C12orf54: variants seen among roughly 807,000 people sequenced by gnomAD.
C12orf54 encodes the protein chromosome 12 open reading frame 54.
A neutral mutation model predicts 26.4 loss-of-function variants in C12orf54; 24 were observed. The observed-to-expected ratio is 0.91, with a 90% CI of 0.66 to 1.28. The LOEUF (loss-of-function observed/expected upper bound fraction) is 1.28, where lower values mean the gene tolerates loss of function less well. Ranked by LOEUF, C12orf54 falls within the 50% of genes most tolerant of loss-of-function variation. C12orf54 has a pLI of 0.00. For synonymous variants in C12orf54, 54 were observed against 47.0 expected (o/e 1.15, Z -0.61); for missense variants, 154 against 150.9 (o/e 1.02, Z -0.11).
the C12orf54 span, among the ~76,000 whole-genome samples, chr12:48,465,887 G>A: frequency 6.6e-6 from 1 of 151,990 alleles, no homozygotes. Context: ...ATCAACAAGG[G>A]AGAACTTCTA....
chr12:48,421,806 A>G, the C12orf54 span, among the ~76,000 whole-genome samples: 1 of 152,170 alleles, frequency 6.6e-6, no homozygotes, highest in African/African-American at 2.4e-5. Context: ...CTGGGATTAC[A>G]GGCGTGAGCC....
At chr12:48,458,697 C>T in the C12orf54 span, among the ~76,000 whole-genome samples, 1 of 151,554 alleles carries the variant, frequency 6.6e-6, no homozygotes, top group African/African-American at 2.4e-5. Context: ...TTGTTTTATG[C>T]CTGACACCTG....
chr12:48,478,489 C>G (rs1954166873), upstream of C12orf54, among the ~76,000 whole-genome samples: 1 of 152,122 alleles, frequency 6.6e-6, no homozygotes, highest in African/African-American at 2.4e-5. Flanking sequence ...GTTTGTATAT[C>G]TAGAAAACCC....
chr12:48,441,942 T>C, the C12orf54 span: 1 of 152,236 alleles, frequency 6.6e-6, no homozygotes, highest in Non-Finnish European at 1.5e-5. Flanking sequence ...GATCCTGACA[T>C]CAAGGAATTA....
chr12:48,468,927 C>A, the C12orf54 span, among the ~76,000 whole-genome samples: 1 of 152,080 alleles, frequency 6.6e-6, no homozygotes, highest in Admixed American at 6.6e-5. Flanking sequence ...TTCCATGATG[C>A]CTGAGCCACA....
At chr12:48,445,846 C>T in the C12orf54 span, among the ~76,000 whole-genome samples, 11 of 152,238 alleles carry the variant, frequency 7.2e-5, no homozygotes, top group East Asian at 1.9e-4. Context: ...AAGGAGGAAG[C>T]GAAGTGATGT....
chr12:48,421,876 A>G, the C12orf54 span, among the ~76,000 whole-genome samples: 1 of 152,178 alleles, frequency 6.6e-6, no homozygotes, highest in East Asian at 1.9e-4. Flanking sequence ...TAAAGAATGC[A>G]AAAATGAAAC....
chr12:48,435,932 C>T, the C12orf54 span, among the ~76,000 whole-genome samples: 2 of 152,086 alleles, frequency 1.3e-5, no homozygotes, highest in Non-Finnish European at 2.9e-5. Context: ...TGTAAATGGG[C>T]TAAATGCTCC....
chr12:48,453,303 C>T, the C12orf54 span, among the ~76,000 whole-genome samples: 60 of 151,754 alleles, frequency 4.0e-4, 1 homozygote, highest in African/African-American at 1.3e-3. Context: ...CACGTGGATA[C>T]ACAGTGGGCA....
the C12orf54 span, among the ~76,000 whole-genome samples, chr12:48,454,096 GTTTT>G: frequency 2.9e-3 from 270 of 94,260 alleles, no homozygotes; most frequent in East Asian, 0.018. Context: ...TTTTTTGTTT[GTTTT>G]TTTTTTTTTT....
At chr12:48,466,229 G>T in the C12orf54 span, among the ~76,000 whole-genome samples, 1 of 152,122 alleles carries the variant, frequency 6.6e-6, no homozygotes, top group Admixed American at 6.6e-5. Context: ...TAAAATATTT[G>T]TTCAGACATT....
chr12:48,463,752 C>T, the C12orf54 span, among the ~76,000 whole-genome samples: 1 of 152,066 alleles, frequency 6.6e-6, no homozygotes, highest in African/African-American at 2.4e-5. Context: ...AGGCTTCATC[C>T]CTGAGATACA....
the C12orf54 span, among the ~76,000 whole-genome samples, chr12:48,423,171 G>C: frequency 2.3e-4 from 35 of 152,158 alleles, no homozygotes; most frequent in African/African-American, 8.4e-4. Context: ...TATTAGAAGA[G>C]AACATGTAGA....
At chr12:48,418,122 CA>C in the C12orf54 span, among the ~76,000 whole-genome samples, 1 of 152,288 alleles carries the variant, frequency 6.6e-6, no homozygotes, top group South Asian at 2.1e-4. Context: ...GAATTTATTG[CA>C]AATGGGAATT....
intron 7 of C12orf54, among the ~76,000 whole-genome samples, chr12:48,493,792 A>T (rs1417985788): frequency 1.3e-5 from 2 of 152,050 alleles, no homozygotes; most frequent in Non-Finnish European, 2.9e-5. Context: ...AGATCAGGCT[A>T]CTGCAACACA....
At chr12:48,473,201 T>G in the C12orf54 span, 2 of 1,312,492 alleles carry the variant, frequency 1.5e-6, no homozygotes, top group South Asian at 2.4e-5. Flanking sequence ...AGGAGGAGTA[T>G]GATGAAGATG....
chr12:48,480,209 T>C (rs1954184733), upstream of C12orf54, among the ~76,000 whole-genome samples: 1 of 152,198 alleles, frequency 6.6e-6, no homozygotes. Context: ...AAAGAATGTA[T>C]GGTTGAAACT....
At chr12:48,455,263 CA>C in the C12orf54 span, among the ~76,000 whole-genome samples, 2 of 152,162 alleles carry the variant, frequency 1.3e-5, no homozygotes, top group Non-Finnish European at 2.9e-5. Context: ...CATGTTGCTC[CA>C]AAAGCCATGA....
the C12orf54 span, among the ~76,000 whole-genome samples, chr12:48,457,874 G>A: frequency 6.6e-6 from 1 of 152,200 alleles, no homozygotes; most frequent in African/African-American, 2.4e-5. Context: ...GGGGAGTGAT[G>A]TTCTGCCTGG....
Sources: allele counts gnomAD v4.1 joint callset (sites outside exome capture counted in the v4.1 genomes callset), GRCh38; gene constraint gnomAD v4.1.1; transcripts MANE v1.5; gene names NCBI Gene and HGNC (gene_info 2026-07-23, HGNC 2026-07-21).